AK4: variants seen among roughly 807,000 people sequenced by gnomAD.
AK4 encodes the protein adenylate kinase 4, also known as adenylate kinase 4, mitochondrial.
A neutral mutation model predicts 24.6 loss-of-function variants in AK4; 13 were observed. That is an observed-to-expected ratio of 0.53 (90% confidence interval 0.34 to 0.84). The LOEUF (loss-of-function observed/expected upper bound fraction) is 0.84. Among genes scored for constraint, AK4 ranks in the 40% least tolerant of loss-of-function variants. The pLI is 0.01. For synonymous variants in AK4, 88 were observed against 107.0 expected, an observed-to-expected ratio of 0.82 and a Z score of 1.10; for missense variants, 192 against 288.2, an observed-to-expected ratio of 0.67 and a Z score of 2.42.
intron 1 of AK4, among the ~76,000 whole-genome samples, chr1:65,172,955 C>T (rs1205027851): frequency 1.3e-5 from 2 of 148,462 alleles, no homozygotes; most frequent in African/African-American, 2.5e-5. Context: ...CTCCACTTTC[C>T]GAGTTCAAGC....
At chr1:65,195,795 T>G (rs1651450938) in intron 2 of AK4, among the ~76,000 whole-genome samples, 3 of 152,206 alleles carry the variant, frequency 2.0e-5, no homozygotes, top group Admixed American at 2.0e-4. Flanking sequence ...TCCTGAAGTT[T>G]TTTGGGTGGG....
chr1:65,148,733 G>GGCCGAGGCTCGCGCCTGGGGAGGAC (rs1649658649), intron 1 of AK4, among the ~76,000 whole-genome samples, 181 bp downstream of exon 1: 1 of 151,966 alleles, frequency 6.6e-6, no homozygotes, highest in African/African-American at 2.4e-5. Context: ...CTGGGGAGGA[G>GGCCGAGGCTCGCGCCTGGGGAGGAC]GCCGAGGCTC....
chr1:65,179,301 G>T (rs1221440274), intron 1 of AK4, among the ~76,000 whole-genome samples: 1 of 152,130 alleles, frequency 6.6e-6, no homozygotes, highest in Non-Finnish European at 1.5e-5. Context: ...ATGCTAACAT[G>T]CAAAGTTGTT....
At chr1:65,184,971 C>G (rs764167603) in intron 1 of AK4, among the ~76,000 whole-genome samples, 10 of 152,160 alleles carry the variant, frequency 6.6e-5, no homozygotes, top group Non-Finnish European at 4.4e-5. Context: ...GTATGCTGCA[C>G]TTAGATCTTT....
At chr1:65,188,622 G>A (rs1390010960) in intron 1 of AK4, among the ~76,000 whole-genome samples, 1 of 151,550 alleles carries the variant, frequency 6.6e-6, no homozygotes, top group Admixed American at 6.6e-5. Context: ...GGGACTACAG[G>A]CGCCTATCAC....
At chr1:65,181,571 G>A (rs1650908874) in intron 1 of AK4, among the ~76,000 whole-genome samples, 1 of 152,008 alleles carries the variant, frequency 6.6e-6, no homozygotes, top group Non-Finnish European at 1.5e-5. Flanking sequence ...ATTTTTAGCA[G>A]AGACGGGGAT....
At chr1:65,152,177 A>C (rs539810210) in intron 1 of AK4, among the ~76,000 whole-genome samples, 1 of 151,880 alleles carries the variant, frequency 6.6e-6, no homozygotes, top group East Asian at 1.9e-4. Context: ...GGTTGGAGAA[A>C]TAGTGGTATT....
At chr1:65,166,310 C>CTGTGTGTG (rs34870729) in intron 1 of AK4, among the ~76,000 whole-genome samples, 1,483 of 143,084 alleles carry the variant, frequency 0.01, 22 homozygotes, top group South Asian at 0.018. Context: ...GGGATTTAAG[C>CTGTGTGTG]TGTGTGTGTG....
chr1:65,149,873 C>G (rs541099218), intron 1 of AK4, among the ~76,000 whole-genome samples: 3 of 152,258 alleles, frequency 2.0e-5, no homozygotes, highest in African/African-American at 7.2e-5. Flanking sequence ...TTAATACATT[C>G]ACATGCATTT....
At chr1:65,174,472 C>G (rs1650644155) in intron 1 of AK4, among the ~76,000 whole-genome samples, 1 of 152,038 alleles carries the variant, frequency 6.6e-6, no homozygotes. Context: ...TTTTTCTTGG[C>G]TACAATTTGC....
At position 65,152,362 on chromosome 1, in the gene AK4, A is replaced by ATC. The variant is rs1329529213; in HGVS notation, c.145+3811_145+3812insCT. Among the ~76,000 whole-genome samples the ATC allele has an allele frequency of 9.7e-3, 300 of 30,796 alleles. 4 individuals are homozygous for ATC. The highest frequency in any genetic ancestry group is 0.025 in the African/African-American group (255 of 10,074). 20.2% of individuals were successfully genotyped at this position (30,796 alleles called of 152,430 possible). On this transcript the variant is annotated intron_variant, in intron 1 of 4. Transcript: ENST00000327299. Reference sequence around the variant, plus strand: ...TCTCTCTCTCTCTCTCTCTCTCTCTATATATATATATATATATATATATTT... The same window carrying ATC: ...TCTCTCTCTCTCTCTCTCTCTCTCTATCTATATATATATATATATATATATTT...
intron 2 of AK4, among the ~76,000 whole-genome samples, chr1:65,200,803 G>T (rs962462932): frequency 4.8e-5 from 7 of 146,626 alleles, no homozygotes; most frequent in South Asian, 2.1e-4. Flanking sequence ...GCTGGGTTTT[G>T]TTTTTTTTTT....
chr1:65,194,933 G>T (rs1401139074), intron 2 of AK4, among the ~76,000 whole-genome samples: 4 of 152,088 alleles, frequency 2.6e-5, no homozygotes, highest in Admixed American at 1.3e-4. Flanking sequence ...AGCTATGACC[G>T]CATTTTTAGG....
chr1:65,189,680 C>CCCA (rs1553124640), intron 1 of AK4, among the ~76,000 whole-genome samples: 6 of 151,844 alleles, frequency 4.0e-5, no homozygotes, highest in African/African-American at 1.2e-4. Flanking sequence ...CACACACACC[C>CCCA]CACACATTTA....
Position 65,190,837 on chromosome 1 carries a change from G to C in AK4, c.265+8G>C. 6.2e-7 allele frequency: 1 copy of C among 1,612,938 alleles called. No homozygotes were observed. The highest frequency in any genetic ancestry group is 2.2e-5 in the East Asian group (1 of 44,866). ...AGCACTGGCTCCTTGATGGTGAGTT[G>C]AAACTGTGGGTAAACCGAATTTCTG... On this transcript the variant is annotated splice_region_variant and intron_variant, in intron 2 of 4. Transcript: ENST00000327299.
chr1:65,194,054 G>T (rs998589923), intron 2 of AK4, among the ~76,000 whole-genome samples: 4 of 152,208 alleles, frequency 2.6e-5, no homozygotes, highest in Admixed American at 2.6e-4. Flanking sequence ...TCACACCATT[G>T]CACTCCAGCC....
At chr1:65,150,271 T>C (rs923157049) in intron 1 of AK4, among the ~76,000 whole-genome samples, 7 of 129,822 alleles carry the variant, frequency 5.4e-5, no homozygotes, top group African/African-American at 2.7e-4. Context: ...TGTTCTCTCT[T>C]TCTCTCTCTC....
intron 2 of AK4, among the ~76,000 whole-genome samples, chr1:65,211,030 C>A (rs144716186): frequency 3.5e-4 from 53 of 152,270 alleles, no homozygotes; most frequent in Admixed American, 9.8e-4. Context: ...ATGCTCATTG[C>A]AGTATGACTG....
At position 65,150,120 on chromosome 1, in the gene AK4, T is replaced by C. The variant is rs79369168; in HGVS notation, c.145+1568T>C. Among the ~76,000 whole-genome samples, 389 of 152,302 alleles carry C rather than the reference T, an allele frequency of 2.6e-3. 3 individuals carry two copies. The highest frequency in any genetic ancestry group is 3.4e-3 in the Middle Eastern group (1 of 294). ...GTACCTTACTTGGTGACTTGTTTCC[T>C]TCTGGAATGAAGGGCTTCACACTGT... is the stretch of plus-strand genomic sequence containing the variant. On this transcript the variant is annotated intron_variant, in intron 1 of 4. Coordinates refer to ENST00000327299, the MANE Select transcript of AK4 (RefSeq NM_013410.4).
Sources: allele counts gnomAD v4.1 joint callset (sites outside exome capture counted in the v4.1 genomes callset), GRCh38; gene constraint gnomAD v4.1.1; transcripts MANE v1.5; gene names NCBI Gene and HGNC (gene_info 2026-07-23, HGNC 2026-07-21).